Variants in KIF1A observed in about 807,000 individuals in gnomAD.
KIF1A encodes kinesin family member 1A.
Under a neutral mutation model 227.3 loss-of-function variants are expected in KIF1A, and 46 were observed. The observed-to-expected ratio is 0.20, with a 90% CI of 0.16 to 0.26. The LOEUF (loss-of-function observed/expected upper bound fraction) is 0.26. Among genes scored for constraint, KIF1A ranks in the 10% least tolerant of loss-of-function variants. The probability of loss-of-function intolerance (pLI) is 1.00; values close to 1 mark genes in which losing one functional copy is unlikely to be tolerated. For synonymous variants in KIF1A, 1,022 were observed against 1,012.8 expected, an observed-to-expected ratio of 1.01 and a Z score of -0.17; for missense variants, 1,683 against 2,485.9, an observed-to-expected ratio of 0.68 and a Z score of 6.87.
In KIF1A at chr2:240,793,521, C is replaced by A. The variant is rs879862389; in HGVS notation, c.106+4126G>T. Reference sequence around the variant, plus strand: ...TGGCTGGGCAGGCTCAGGGCCCTCACGTCCTCCGGTCCTCAGGGCAGAGAA... The same window carrying A: ...TGGCTGGGCAGGCTCAGGGCCCTCAAGTCCTCCGGTCCTCAGGGCAGAGAA... On this transcript the variant is annotated intron_variant, in intron 2 of 48. Transcript: ENST00000498729. The surrounding 1 kb of genome is among the most constrained non-coding windows in gnomAD (Gnocchi z 4.8). 2.0e-5 allele frequency among the ~76,000 whole-genome samples: 3 copies of A among 152,102 alleles called. No individual in the cohort carries two copies. Among genetic ancestry groups the A allele is most frequent in the Non-Finnish European group, 4.4e-5 (3 of 68,016 alleles).
In KIF1A at chr2:240,731,111, T is replaced by A. The variant is rs145982375; in HGVS notation, c.4008-4171A>T. ...GGCCTGAGGGCAAATCTGCAGTAGATCCACACAGAGACAGGAGAGATTTTA... is the reference window on the plus strand; with the variant it reads ...GGCCTGAGGGCAAATCTGCAGTAGAACCACACAGAGACAGGAGAGATTTTA... On this transcript the variant is annotated intron_variant, in intron 38 of 48. Coordinates refer to ENST00000498729, the MANE Select transcript of KIF1A (RefSeq NM_001244008.2). 1.2e-4 allele frequency among the ~76,000 whole-genome samples: 18 copies of A among 152,234 alleles called. No individual in the cohort carries two copies. The East Asian group carries it at 3.5e-3, about 29-fold the overall frequency.
In KIF1A at chr2:240,772,802, G is replaced by A. The variant is rs116501914; in HGVS notation, c.1181-206C>T. On this transcript the variant is annotated intron_variant, in intron 13 of 48. Coordinates refer to ENST00000498729, the MANE Select transcript of KIF1A (RefSeq NM_001244008.2). ...CCACAGCCTGCCTATGGGGCTTCCA[G>A]GGGAGCCGTCTCTGGCCCACTTGCA... is the stretch of plus-strand genomic sequence containing the variant. 9.7e-3 allele frequency among the ~76,000 whole-genome samples: 1,482 copies of A among 152,332 alleles called. 31 individuals carry two copies. Among genetic ancestry groups the A allele is most frequent in the African/African-American group, 0.035 (1,437 of 41,578 alleles).
At chr2:240,745,716 C>A (rs1469595609) in intron 31 of KIF1A, 22 bp downstream of exon 31, 25 of 1,608,172 alleles carry the variant, frequency 1.6e-5, no homozygotes, top group Non-Finnish European at 2.0e-5. Flanking sequence ...AGCGCAGGGA[C>A]ACAAAGGCAG....
At chr2:240,724,095 C>T in intron 40 of KIF1A, 59 bp from the exon 41 acceptor site, 1 of 1,469,838 alleles carries the variant, frequency 6.8e-7, no homozygotes, top group Non-Finnish European at 9.5e-7. Context: ...GGACACACAG[C>T]CAGCCTGGCT....
In KIF1A at chr2:240,725,520, C is replaced by T. The variant is rs2045910354; in HGVS notation, c.4123-116G>A. On this transcript the variant is annotated intron_variant, in intron 39 of 48. Coordinates refer to ENST00000498729, the MANE Select transcript of KIF1A (RefSeq NM_001244008.2). The surrounding 1 kb of genome is among the most constrained non-coding windows in gnomAD (Gnocchi z 5.8). ...ACCGACAGGCAGCCCCAGGGCCTTC[C>T]CAGGGCCTCAGGTGTGGCCTGGACG... The T allele has an allele frequency of 8.5e-7, 1 of 1,179,226 alleles. No individual in the cohort carries two copies. The highest frequency in any genetic ancestry group is 1.2e-6 in the Non-Finnish European group (1 of 840,234). 73.0% of individuals were successfully genotyped at this position (1,179,226 alleles called of 1,614,324 possible). A position where few individuals can be genotyped will look rare whatever the true frequency, so the allele number is the denominator to read the frequency against.
chr2:240,751,969 C>T (rs984930067), intron 27 of KIF1A, among the ~76,000 whole-genome samples: 2 of 152,180 alleles, frequency 1.3e-5, no homozygotes, highest in African/African-American at 4.8e-5. Context: ...ATGGCACCTC[C>T]CTCGCTTTCT....
intron 38 of KIF1A, among the ~76,000 whole-genome samples, chr2:240,732,900 G>T (rs2046906130): frequency 7.6e-6 from 1 of 132,076 alleles, no homozygotes; most frequent in Non-Finnish European, 1.6e-5. Flanking sequence ...AATGAGGGAG[G>T]GATGGGGAAG....
At position 240,726,869 on chromosome 2, in the gene KIF1A, G is replaced by A; in HGVS notation, c.4079C>T (p.Pro1360Leu). Residue 1360 changes from proline to leucine, a missense_variant, in exon 39 of 49, where the codon CCT (proline) becomes CTT (leucine). This residue lies in a region of KIF1A where 759 missense variants were observed against 1,020.2 expected (regional missense o/e 0.74). Transcript: ENST00000498729. This position sits in a 1 kb window ranked among gnomAD's most constrained non-coding sequence, Gnocchi z 5.2. ...HNSLLLNRVT[P>L]YREKIYMTLS... is the part of the protein sequence containing the mutation. ...TGTCATGTAGATTTTCTCTCGATAAGGGGTGACCCGGTTCAGCAGGAGAGA... is the reference window on the plus strand; with the variant it reads ...TGTCATGTAGATTTTCTCTCGATAAAGGGTGACCCGGTTCAGCAGGAGAGA... 1.2e-6 allele frequency: 2 copies of A among 1,612,812 alleles called. No homozygotes were observed. Among genetic ancestry groups the A allele is most frequent in the South Asian group, 1.1e-5 (1 of 90,926 alleles).
In KIF1A at chr2:240,793,063, T is replaced by C. The variant is rs1475886696; in HGVS notation, c.107-3751A>G. 6.6e-6 allele frequency among the ~76,000 whole-genome samples: 1 copy of C among 152,170 alleles called. No individual in the cohort carries two copies. The highest frequency in any genetic ancestry group is 2.4e-5 in the African/African-American group (1 of 41,448). On this transcript the variant is annotated intron_variant, in intron 2 of 48. Coordinates refer to ENST00000498729, the MANE Select transcript of KIF1A (RefSeq NM_001244008.2). The surrounding 1 kb of genome is among the most constrained non-coding windows in gnomAD (Gnocchi z 4.8). ...TTCTGTCATTTGAAGCCATTCAGCA[T>C]GTAGCCCTCTGTAACAGCAGCCCCA...
At position 240,726,067 on chromosome 2, in the gene KIF1A, C is replaced by A; in HGVS notation, c.4123-663G>T. ...CTGCCCACTGCTCCCCACCCTCCCT[C>A]TCCCTCACTACTATGACCAGCAAGA... On this transcript the variant is annotated intron_variant, in intron 39 of 48. Coordinates refer to ENST00000498729, the MANE Select transcript of KIF1A (RefSeq NM_001244008.2). This position sits in a 1 kb window ranked among gnomAD's most constrained non-coding sequence, Gnocchi z 5.2. 6.6e-6 allele frequency: 1 copy of A among 152,514 alleles called. No homozygotes were observed. 9.4% of individuals were successfully genotyped at this position (152,514 alleles called of 1,614,324 possible). A position where few individuals can be genotyped will look rare whatever the true frequency, so the allele number is the denominator to read the frequency against.
chr2:240,726,990 T>C lies in KIF1A; in HGVS notation c.4008-50A>G, dbSNP rs1477501745. On this transcript the variant is annotated intron_variant, in intron 38 of 48. Coordinates refer to ENST00000498729, the MANE Select transcript of KIF1A (RefSeq NM_001244008.2). The surrounding 1 kb of genome is among the most constrained non-coding windows in gnomAD (Gnocchi z 5.2). Reference sequence around the variant, plus strand: ...GAAGTTGATGGCGTGGGGGCTGCTTTCAGCCAGGCCGGGGACATGCAGACA... The same window carrying C: ...GAAGTTGATGGCGTGGGGGCTGCTTCCAGCCAGGCCGGGGACATGCAGACA... 8.8e-7 allele frequency: 1 copy of C among 1,142,718 alleles called. No homozygotes were observed. The highest frequency in any genetic ancestry group is 1.4e-5 in the South Asian group (1 of 73,252). 70.8% of individuals were successfully genotyped at this position (1,142,718 alleles called of 1,614,324 possible). A position where few individuals can be genotyped will look rare whatever the true frequency, so the allele number is the denominator to read the frequency against.
intron 1 of KIF1A, among the ~76,000 whole-genome samples, chr2:240,813,798 A>G (rs1385082718): frequency 1.3e-5 from 2 of 152,074 alleles, no homozygotes; most frequent in Non-Finnish European, 2.9e-5. Flanking sequence ...GTGAGAACAG[A>G]GTGTGAAAGG....
rs1015032544 is a variant in KIF1A, at chr2:240,790,855, C to T, written c.107-1543G>A. ...CATGGCTCAGGAGCAGCCACCTCTG[C>T]CACCACCTTGATCTCAGACTTCTGG... On this transcript the variant is annotated intron_variant, in intron 2 of 48. Transcript: ENST00000498729. This position sits in a 1 kb window ranked among gnomAD's most constrained non-coding sequence, Gnocchi z 5.0. 1.3e-5 allele frequency among the ~76,000 whole-genome samples: 2 copies of T among 152,256 alleles called. No individual in the cohort carries two copies. Among genetic ancestry groups the T allele is most frequent in the South Asian group, 4.1e-4 (2 of 4,822 alleles).
In KIF1A at chr2:240,725,400, T is replaced by C. The variant is rs2125622371; in HGVS notation, c.4127A>G (p.Glu1376Gly). ...GACAACAGCCGGCTGGGTGCAGTTC[T>C]CCATCTGAGATAGGCGGGAGCAGGA... Reference protein sequence around the residue: ...YMTLSAYIEMENCTQPAVVTK... With the variant: ...YMTLSAYIEMGNCTQPAVVTK... Residue 1376 changes from glutamate (E) to glycine (G), a missense_variant, in exon 40 of 49, where the codon GAG becomes GGG. Physicochemically the swap from Glu to Gly is moderately conservative, Grantham distance 98 (BLOSUM62 -2). Transcript: ENST00000498729. The surrounding 1 kb of genome is among the most constrained non-coding windows in gnomAD (Gnocchi z 5.8). 1.9e-6 allele frequency: 3 copies of C among 1,612,210 alleles called. No individual in the cohort carries two copies. The highest frequency in any genetic ancestry group is 2.2e-5 in the South Asian group (2 of 91,008).
chr2:240,780,651 A>C (rs935212667), intron 10 of KIF1A, among the ~76,000 whole-genome samples: 2 of 151,862 alleles, frequency 1.3e-5, no homozygotes, highest in African/African-American at 4.8e-5. Context: ...TCAGGCCCCC[A>C]GAGTTCCTCG....
At chr2:240,767,150 C>T (rs2051308981) in intron 18 of KIF1A, 116 bp downstream of exon 18, 1 of 1,132,694 alleles carries the variant, frequency 8.8e-7, no homozygotes, top group Non-Finnish European at 1.3e-6. Flanking sequence ...AGTGGGGTCG[C>T]TGGGGAAGTC....
chr2:240,797,786 G>C lies in KIF1A; in HGVS notation c.-34C>G. ...CCTTCGTGGGTCACTCCTCGCAGTA[G>C]TGGGAGCCCCAGTGTGGGGGGAACA... On this transcript the variant is annotated 5_prime_UTR_variant, in exon 2 of 49. Coordinates refer to ENST00000498729, the MANE Select transcript of KIF1A (RefSeq NM_001244008.2). 2 of 1,401,160 alleles carry C rather than the reference G, an allele frequency of 1.4e-6. No individual in the cohort carries two copies. The highest frequency in any genetic ancestry group is 2.0e-6 in the Non-Finnish European group (2 of 998,548). The allele number at this position is 1,401,160 out of a possible 1,614,324, so 86.8% of individuals were successfully genotyped here.
chr2:240,762,893 C>A, intron 22 of KIF1A, 81 bp from the exon 23 acceptor site: 1 of 1,418,828 alleles, frequency 7.0e-7, no homozygotes. Context: ...GTGGGCCTCA[C>A]CACATCCCAC....
intron 1 of KIF1A, among the ~76,000 whole-genome samples, chr2:240,816,804 C>CA: frequency 6.6e-6 from 1 of 152,230 alleles, no homozygotes; most frequent in East Asian, 1.9e-4. Flanking sequence ...CCAAAGCTGG[C>CA]AGGATGGGCT....
Sources: gnomAD v4.1 joint callset for allele counts (sites outside exome capture counted in the v4.1 genomes callset) on GRCh38, gnomAD v4.1.1 for gene constraint, gnomAD v4.1.1 regional missense constraint, Gnocchi (gnomAD v3.1) non-coding constraint, MANE v1.5 for transcripts, NCBI Gene and HGNC (gene_info 2026-07-23, HGNC 2026-07-21) for gene names.